The following ZNF385D variants were observed in gnomAD, a reference collection of about 807,000 sequenced individuals.
ZNF385D encodes the protein zinc finger protein 385D.
A neutral mutation model predicts 35.8 loss-of-function variants in ZNF385D; 15 were observed. That is an observed-to-expected ratio of 0.42 (90% confidence interval 0.28 to 0.64). ZNF385D has a LOEUF of 0.64. Among genes scored for constraint, ZNF385D ranks in the 30% least tolerant of loss-of-function variants. The pLI is 0.23. For missense variants in ZNF385D, 474 were observed against 494.6 expected, an observed-to-expected ratio of 0.96 and a Z score of 0.39; for synonymous variants, 212 against 186.8, an observed-to-expected ratio of 1.13 and a Z score of -1.10.
intron 2 of ZNF385D, among the ~76,000 whole-genome samples, chr3:22,306,367 G>T (rs2125419820): frequency 6.6e-6 from 1 of 151,830 alleles, no homozygotes; most frequent in African/African-American, 2.4e-5. Context: ...CCCAGACCCT[G>T]GAGCATACTT....
At chr3:21,991,914 C>T (rs1362686960) in intron 3 of ZNF385D, among the ~76,000 whole-genome samples, 3 of 152,136 alleles carry the variant, frequency 2.0e-5, no homozygotes, top group African/African-American at 7.2e-5. Flanking sequence ...TTTTAAAAGA[C>T]AGTATTTTGA....
At chr3:22,270,311 C>G (rs944767738) in intron 2 of ZNF385D, among the ~76,000 whole-genome samples, 4 of 151,924 alleles carry the variant, frequency 2.6e-5, no homozygotes, top group African/African-American at 9.7e-5. Flanking sequence ...GACAGTATCT[C>G]AACTTTGGAA....
At chr3:22,215,258 T>A (rs941652782) in intron 2 of ZNF385D, among the ~76,000 whole-genome samples, 1 of 152,036 alleles carries the variant, frequency 6.6e-6, no homozygotes, top group African/African-American at 2.4e-5. Context: ...AAGAGCAGGA[T>A]AACAGCAATG....
chr3:21,679,148 T>C (rs2066820524), intron 1 of ZNF385D, among the ~76,000 whole-genome samples: 2 of 152,008 alleles, frequency 1.3e-5, no homozygotes, highest in South Asian at 2.1e-4. Context: ...CAAAGGAAAT[T>C]AACAGCTATT....
At chr3:21,631,131 A>G (rs1023394706) in intron 2 of ZNF385D, among the ~76,000 whole-genome samples, 1 of 152,074 alleles carries the variant, frequency 6.6e-6, no homozygotes, top group Non-Finnish European at 1.5e-5. Flanking sequence ...CGTGAGGTAT[A>G]CATACTCACA....
At chr3:22,109,181 A>G (rs1451482457) in intron 3 of ZNF385D, among the ~76,000 whole-genome samples, 1 of 152,100 alleles carries the variant, frequency 6.6e-6, no homozygotes, top group Non-Finnish European at 1.5e-5. Context: ...ACTAAAATCA[A>G]CTCTTGCTGA....
chr3:21,815,949 C>T (rs557889934), intron 3 of ZNF385D, among the ~76,000 whole-genome samples: 4 of 152,214 alleles, frequency 2.6e-5, no homozygotes, highest in East Asian at 1.9e-4. Flanking sequence ...ACTGGCAAAC[C>T]GAATCCAGTA....
chr3:21,447,897 T>C (rs2125269133), intron 4 of ZNF385D, among the ~76,000 whole-genome samples: 1 of 152,248 alleles, frequency 6.6e-6, no homozygotes, highest in African/African-American at 2.4e-5. Flanking sequence ...TAGAGCTGTC[T>C]TGAAGATAAG....
At chr3:22,006,510 G>C (rs1349074184) in intron 3 of ZNF385D, among the ~76,000 whole-genome samples, 1 of 151,836 alleles carries the variant, frequency 6.6e-6, no homozygotes, top group Non-Finnish European at 1.5e-5. Flanking sequence ...ATCTCTTTTT[G>C]ATTACAGTAA....
chr3:21,528,407 A>C (rs1467721976), intron 3 of ZNF385D, among the ~76,000 whole-genome samples: 1 of 152,178 alleles, frequency 6.6e-6, no homozygotes, highest in East Asian at 1.9e-4. Context: ...TGATAGAAAT[A>C]AGTGCCAGTG....
chr3:22,232,851 C>T (rs1262648244), intron 2 of ZNF385D, among the ~76,000 whole-genome samples: 1 of 152,206 alleles, frequency 6.6e-6, no homozygotes, highest in African/African-American at 2.4e-5. Flanking sequence ...CTACTGTCTT[C>T]TCTCTGCACA....
intron 3 of ZNF385D, among the ~76,000 whole-genome samples, chr3:21,561,098 C>T (rs924407673): frequency 6.6e-6 from 1 of 152,164 alleles, no homozygotes; most frequent in East Asian, 1.9e-4. Context: ...GGGGTGGGAC[C>T]CCCGAGCCAG....
intron 2 of ZNF385D, among the ~76,000 whole-genome samples, chr3:21,602,791 C>A (rs534875746): frequency 8.6e-5 from 13 of 151,994 alleles, no homozygotes; most frequent in Admixed American, 2.0e-4. Context: ...CCTCGGCCTC[C>A]CAAAGTGCTG....
At chr3:21,469,762 A>G (rs143911446) in intron 4 of ZNF385D, among the ~76,000 whole-genome samples, 121 of 152,300 alleles carry the variant, frequency 7.9e-4, no homozygotes, top group African/African-American at 2.8e-3. Context: ...GACCACTTAC[A>G]GTTAAAGAAA....
intron 2 of ZNF385D, among the ~76,000 whole-genome samples, chr3:22,317,500 G>A (rs943215393): frequency 5.3e-5 from 8 of 151,964 alleles, no homozygotes; most frequent in South Asian, 2.1e-4. Context: ...CTTTATCTAC[G>A]TAATAAAACC....
intron 2 of ZNF385D, among the ~76,000 whole-genome samples, chr3:22,315,537 G>C (rs1213505134): frequency 6.6e-6 from 1 of 152,168 alleles, no homozygotes; most frequent in Non-Finnish European, 1.5e-5. Context: ...AGATGAGTGA[G>C]AGGAGTGGCA....
chr3:21,588,544 A>G (rs2063879350), intron 2 of ZNF385D, among the ~76,000 whole-genome samples: 1 of 152,116 alleles, frequency 6.6e-6, no homozygotes, highest in South Asian at 2.1e-4. Context: ...TAACATATAC[A>G]ATATATATAA....
intron 3 of ZNF385D, among the ~76,000 whole-genome samples, chr3:21,897,065 A>T (rs978240133): frequency 3.9e-5 from 6 of 152,132 alleles, no homozygotes; most frequent in Non-Finnish European, 5.9e-5. Context: ...TTATCACCCA[A>T]GTACACATGA....
chr3:21,765,501 C>G (rs1441689920), intron 3 of ZNF385D, among the ~76,000 whole-genome samples: 3 of 152,106 alleles, frequency 2.0e-5, no homozygotes, highest in Non-Finnish European at 2.9e-5. Flanking sequence ...AAAAGATGAA[C>G]TGAGACAATC....
Sources: allele counts gnomAD v4.1 joint callset (sites outside exome capture counted in the v4.1 genomes callset), GRCh38; gene constraint gnomAD v4.1.1; transcripts MANE v1.5; gene names NCBI Gene and HGNC (gene_info 2026-07-23, HGNC 2026-07-21).